The following NOVA1 variants were observed in gnomAD, a reference collection of about 807,000 sequenced individuals.
The protein encoded by NOVA1 is NOVA alternative splicing regulator 1.
NOVA1 carries 7 observed loss-of-function variants against 38.0 expected under a neutral mutation model. That is an observed-to-expected ratio of 0.18 (90% CI 0.10 to 0.35). The LOEUF (loss-of-function observed/expected upper bound fraction) is 0.35, where lower values mean the gene tolerates loss of function less well. Among genes scored for constraint, NOVA1 ranks in the 10% least tolerant of loss-of-function variants. NOVA1 has a pLI of 1.00. For synonymous variants in NOVA1, 270 were observed against 232.5 expected (o/e 1.16, Z -1.47); for missense variants, 460 against 616.0 (o/e 0.75, Z 2.68).
chr14:26,578,027 C>T lies in NOVA1; in HGVS notation c.280+17383G>A, dbSNP rs558986919. The stretch of plus-strand genomic sequence containing the variant: ...AAAAAAAAACAGCAAAAGAAATATA[C>T]GGCTGCAACCAATGAGATAAAGGTG... On this transcript the variant is annotated intron_variant, in intron 2 of 4. Transcript: ENST00000539517. Among the ~76,000 whole-genome samples the T allele has an allele frequency of 4.6e-5, 7 of 151,066 alleles. No individual in the cohort carries two copies. The East Asian group carries it at 5.8e-4, about 13-fold the overall frequency.
At chr14:26,521,010 G>T (rs1888837265) in intron 2 of NOVA1, among the ~76,000 whole-genome samples, 1 of 151,982 alleles carries the variant, frequency 6.6e-6, no homozygotes, top group South Asian at 2.1e-4. Context: ...GAACACCAAA[G>T]TCTAACATCA....
intron 2 of NOVA1, among the ~76,000 whole-genome samples, chr14:26,510,029 T>G (rs192397921): frequency 6.6e-6 from 1 of 151,714 alleles, no homozygotes; most frequent in Non-Finnish European, 1.5e-5. Context: ...GAGAATAGAG[T>G]CAAGGCTAGA....
At position 26,595,901 on chromosome 14, in the gene NOVA1, T is replaced by G. The variant is rs1415096916; in HGVS notation, c.137-348A>C. The G allele has an allele frequency of 1.5e-5, 6 of 388,690 alleles. No homozygotes were observed. The East Asian group carries it at 4.5e-4, about 29-fold the overall frequency. 24.1% of individuals were successfully genotyped at this position (388,690 alleles called of 1,614,324 possible). A position where few individuals can be genotyped will look rare whatever the true frequency, so the allele number is the denominator to read the frequency against. On this transcript the variant is annotated intron_variant, in intron 1 of 4. Transcript: ENST00000539517. Reference sequence around the variant, plus strand: ...TGGCAAAATGAAATGAACTGACCCTTTAACAAAACTTCAGAGGTTTATAAG... The same window carrying G: ...TGGCAAAATGAAATGAACTGACCCTGTAACAAAACTTCAGAGGTTTATAAG...
At chr14:26,509,366 A>G (rs1887883847) in intron 2 of NOVA1, among the ~76,000 whole-genome samples, 1 of 152,290 alleles carries the variant, frequency 6.6e-6, no homozygotes, top group East Asian at 1.9e-4. Flanking sequence ...CTCATTGAAA[A>G]TGAGAGTAGT....
chr14:26,469,333 G>T (rs1261644231), intron 4 of NOVA1, among the ~76,000 whole-genome samples: 1 of 152,122 alleles, frequency 6.6e-6, no homozygotes, highest in Non-Finnish European at 1.5e-5. Flanking sequence ...TTTAATTACA[G>T]AAATATTTTA....
intron 4 of NOVA1, among the ~76,000 whole-genome samples, chr14:26,458,149 G>A (rs959923348): frequency 6.6e-6 from 1 of 151,976 alleles, no homozygotes; most frequent in Non-Finnish European, 1.5e-5. Flanking sequence ...ACACCACTCA[G>A]AATGGTTATT....
At chr14:26,495,178 A>T (rs1340832648) in intron 2 of NOVA1, among the ~76,000 whole-genome samples, 4 of 151,902 alleles carry the variant, frequency 2.6e-5, no homozygotes, top group Non-Finnish European at 1.5e-5. Flanking sequence ...CCCCTTTCTC[A>T]TCATAAAAGA....
intron 2 of NOVA1, among the ~76,000 whole-genome samples, chr14:26,543,446 A>C (rs957500834): frequency 4.6e-5 from 7 of 151,988 alleles, no homozygotes; most frequent in African/African-American, 1.4e-4. Flanking sequence ...CTGTCTCATA[A>C]TCTGGTCAGA....
At chr14:26,558,301 C>T (rs527302948) in intron 2 of NOVA1, among the ~76,000 whole-genome samples, 204 of 152,172 alleles carry the variant, frequency 1.3e-3, no homozygotes, top group Non-Finnish European at 2.2e-3. Flanking sequence ...CTGTACCACA[C>T]TAATTGTCCA....
chr14:26,500,715 G>A (rs1472237131), intron 2 of NOVA1, among the ~76,000 whole-genome samples: 1 of 152,036 alleles, frequency 6.6e-6, no homozygotes, highest in South Asian at 2.1e-4. Flanking sequence ...TTTAGAAATT[G>A]CAGAAAGTAT....
intron 2 of NOVA1, among the ~76,000 whole-genome samples, chr14:26,588,945 C>T (rs1005117933): frequency 1.3e-4 from 19 of 151,038 alleles, no homozygotes; most frequent in Non-Finnish European, 3.0e-5. Context: ...ACAGTTATTA[C>T]CAATACTGGT....
intron 2 of NOVA1, among the ~76,000 whole-genome samples, chr14:26,584,582 A>G (rs1320453077): frequency 6.6e-6 from 1 of 151,254 alleles, no homozygotes; most frequent in Non-Finnish European, 1.5e-5. Context: ...GCCTCCTACC[A>G]CCACTGACCC....
chr14:26,474,787 G>A lies in NOVA1; in HGVS notation c.448-2396C>T, dbSNP rs554978569. Among the ~76,000 whole-genome samples the A allele has an allele frequency of 2.1e-4, 32 of 151,934 alleles. No individual in the cohort carries two copies. In the South Asian group the frequency reaches 6.5e-3, roughly 31 times the overall value. ...TAAGAGTGTTGAAATGTTACAGTAA[G>A]TTGTCTCTATATTTTCTTAGTTTAA... is the stretch of plus-strand genomic sequence containing the variant. On this transcript the variant is annotated intron_variant, in intron 3 of 4. Transcript: ENST00000539517.
At chr14:26,536,980 T>C (rs1236754448) in intron 2 of NOVA1, among the ~76,000 whole-genome samples, 1 of 152,116 alleles carries the variant, frequency 6.6e-6, no homozygotes, top group African/African-American at 2.4e-5. Context: ...ATACTCAATG[T>C]CTTAAAATAC....
intron 2 of NOVA1, among the ~76,000 whole-genome samples, chr14:26,483,280 T>G (rs1885605049): frequency 6.6e-6 from 1 of 152,230 alleles, no homozygotes; most frequent in Admixed American, 6.5e-5. Flanking sequence ...GATCCATCAC[T>G]TATGCACTGG....
intron 2 of NOVA1, among the ~76,000 whole-genome samples, chr14:26,488,103 T>C (rs79046281): frequency 0.01 from 1,577 of 152,208 alleles, 18 homozygotes; most frequent in Non-Finnish European, 0.015. Flanking sequence ...AAAGTAATAA[T>C]TGGGTTTCTT....
At chr14:26,567,516 G>A (rs1442113727) in intron 2 of NOVA1, among the ~76,000 whole-genome samples, 1 of 151,832 alleles carries the variant, frequency 6.6e-6, no homozygotes, top group East Asian at 1.9e-4. Flanking sequence ...GGCTGGTCTC[G>A]AACTCCTGGA....
At chr14:26,534,117 T>C (rs1889911652) in intron 2 of NOVA1, among the ~76,000 whole-genome samples, 1 of 152,084 alleles carries the variant, frequency 6.6e-6, no homozygotes, top group Non-Finnish European at 1.5e-5. Flanking sequence ...GAAAAGAAAG[T>C]CACACACAAA....
rs148735523 is a variant in NOVA1 at position 26,516,435 on chromosome 14, T to C, written c.281-36292A>G. ...ATGTACCACTTTAATGTTTGCCTAA[T>C]TTAAGATCATAAAGATATTCTATGT... On this transcript the variant is annotated intron_variant, in intron 2 of 4. Transcript: ENST00000539517. Among the ~76,000 whole-genome samples the C allele has an allele frequency of 2.6e-3, 400 of 152,294 alleles. 1 individual carries two copies. Among genetic ancestry groups the C allele is most frequent in the African/African-American group, 9.1e-3 (378 of 41,568 alleles).
Sources: allele counts gnomAD v4.1 joint callset (sites outside exome capture counted in the v4.1 genomes callset), GRCh38; gene constraint gnomAD v4.1.1; transcripts MANE v1.5; gene names NCBI Gene and HGNC (gene_info 2026-07-23, HGNC 2026-07-21).